Variants in GSG1L observed in about 807,000 individuals in gnomAD.
GSG1L encodes germ cell-specific gene 1-like protein.
A neutral mutation model predicts 42.1 loss-of-function variants in GSG1L; 24 were observed. The ratio of observed to expected loss-of-function variants is 0.57; its 90% CI spans 0.41 to 0.80. The LOEUF (loss-of-function observed/expected upper bound fraction) is 0.80. GSG1L is among the 30% of genes least tolerant of loss of function. GSG1L has a pLI of 0.00. For synonymous variants in GSG1L, 215 were observed against 203.5 expected, an observed-to-expected ratio of 1.06 and a Z score of -0.48; for missense variants, 445 against 472.2, an observed-to-expected ratio of 0.94 and a Z score of 0.53.
chr16:28,036,482 C>T (rs556000187), intron 1 of GSG1L, among the ~76,000 whole-genome samples: 1 of 141,908 alleles, frequency 7.0e-6, no homozygotes, highest in South Asian at 2.5e-4. Context: ...TGGGGGACAA[C>T]TCAGGCACGC....
intron 2 of GSG1L, among the ~76,000 whole-genome samples, chr16:27,921,019 C>T (rs559692501): frequency 6.6e-6 from 1 of 152,210 alleles, no homozygotes; most frequent in African/African-American, 2.4e-5. Flanking sequence ...AGGTCCCTAC[C>T]CATTCTAAAA....
At chr16:27,835,232 A>C (rs1030465633) in intron 4 of GSG1L, among the ~76,000 whole-genome samples, 3 of 151,974 alleles carry the variant, frequency 2.0e-5, no homozygotes, top group African/African-American at 7.2e-5. Context: ...TTCTTAGTGG[A>C]TTGACTCTTT....
chr16:27,974,629 C>T (rs76214518), intron 1 of GSG1L, among the ~76,000 whole-genome samples: 12,766 of 152,244 alleles, frequency 0.084, 751 homozygotes, highest in South Asian at 0.24. Context: ...TGTGTGACTG[C>T]CCTCACCATC....
At chr16:27,820,932 T>C (rs1022248072) in intron 5 of GSG1L, among the ~76,000 whole-genome samples, 2 of 152,160 alleles carry the variant, frequency 1.3e-5, no homozygotes, top group African/African-American at 4.8e-5. Context: ...CTAAATGTGC[T>C]TCGTGTGTCG....
chr16:27,972,561 A>G (rs2085204606), intron 1 of GSG1L, among the ~76,000 whole-genome samples: 1 of 152,248 alleles, frequency 6.6e-6, no homozygotes, highest in South Asian at 2.1e-4. Flanking sequence ...AGACAGGTGC[A>G]CTTGTCTCTC....
chr16:27,840,626 A>G (rs558891350), intron 4 of GSG1L, among the ~76,000 whole-genome samples: 2 of 152,264 alleles, frequency 1.3e-5, no homozygotes, highest in South Asian at 4.1e-4. Context: ...GCTGGCCTCC[A>G]GGGAGCCACA....
At chr16:27,955,500 A>G (rs1567533788) in intron 2 of GSG1L, among the ~76,000 whole-genome samples, 1 of 152,192 alleles carries the variant, frequency 6.6e-6, no homozygotes, top group East Asian at 1.9e-4. Context: ...AATCAGAATA[A>G]CATTGAAATT....
intron 3 of GSG1L, among the ~76,000 whole-genome samples, chr16:27,855,216 C>T (rs2083562551): frequency 6.6e-6 from 1 of 152,140 alleles, no homozygotes; most frequent in Admixed American, 6.5e-5. Context: ...GACTTTCATG[C>T]CCATTCTCCT....
At position 27,954,387 on chromosome 16, in the gene GSG1L, A is replaced by G. The variant is rs115279537; in HGVS notation, c.397+8769T>C. On this transcript the variant is annotated intron_variant, in intron 2 of 6. Transcript: ENST00000447459. Reference sequence around the variant, plus strand: ...GGCTGGAAGTTGACTACCCGCATGGAGGAAGCCACAGAGGAAACTTCAGAA... The same window carrying G: ...GGCTGGAAGTTGACTACCCGCATGGGGGAAGCCACAGAGGAAACTTCAGAA... Among the ~76,000 whole-genome samples the G allele has an allele frequency of 7.4e-3, 1,124 of 152,320 alleles. 12 individuals are homozygous for G. Among genetic ancestry groups the G allele is most frequent in the African/African-American group, 0.026 (1,071 of 41,552 alleles).
chr16:27,942,692 G>A lies in GSG1L; in HGVS notation c.397+20464C>T, dbSNP rs566687922. Reference sequence around the variant, plus strand: ...CAACCTCATTAGTAATCAGGGAAACGTAAATTGGAAATCACAATGTGATAC... The same window carrying A: ...CAACCTCATTAGTAATCAGGGAAACATAAATTGGAAATCACAATGTGATAC... On this transcript the variant is annotated intron_variant, in intron 2 of 6. Transcript: ENST00000447459. 5.3e-5 allele frequency among the ~76,000 whole-genome samples: 8 copies of A among 152,182 alleles called. No individual in the cohort carries two copies. The East Asian group carries it at 5.8e-4, about 11-fold the overall frequency.
At chr16:27,953,037 T>A (rs1409243736) in intron 2 of GSG1L, among the ~76,000 whole-genome samples, 1 of 152,278 alleles carries the variant, frequency 6.6e-6, no homozygotes. Flanking sequence ...TGTATTCTTT[T>A]GAATGCAGCT....
At chr16:28,006,757 C>T (rs570499995) in intron 1 of GSG1L, among the ~76,000 whole-genome samples, 25 of 152,212 alleles carry the variant, frequency 1.6e-4, no homozygotes, top group Admixed American at 6.5e-4. Context: ...CTGAAAATGC[C>T]AGGCAAATGG....
chr16:27,865,199 C>G (rs1433496209), intron 3 of GSG1L, among the ~76,000 whole-genome samples: 1 of 152,146 alleles, frequency 6.6e-6, no homozygotes, highest in African/African-American at 2.4e-5. Flanking sequence ...CCTTACTTCC[C>G]CCAACCTCAA....
chr16:27,919,440 C>T (rs761787468), intron 2 of GSG1L, among the ~76,000 whole-genome samples: 47 of 152,218 alleles, frequency 3.1e-4, no homozygotes, highest in Admixed American at 9.2e-4. Context: ...ATGCCAAGCT[C>T]GGTCTCACCT....
chr16:27,991,493 C>T (rs924066679), intron 1 of GSG1L, among the ~76,000 whole-genome samples: 1 of 151,748 alleles, frequency 6.6e-6, no homozygotes, highest in African/African-American at 2.4e-5. Context: ...GCAACCGCTG[C>T]CCCCCAGTTC....
intron 2 of GSG1L, among the ~76,000 whole-genome samples, chr16:27,917,531 C>A (rs920638305): frequency 6.6e-6 from 1 of 152,078 alleles, no homozygotes; most frequent in African/African-American, 2.4e-5. Context: ...TTAAGAAACC[C>A]AATCAACCCA....
intron 1 of GSG1L, among the ~76,000 whole-genome samples, chr16:28,024,447 G>A (rs1398891109): frequency 6.6e-6 from 1 of 152,196 alleles, no homozygotes; most frequent in Non-Finnish European, 1.5e-5. Flanking sequence ...CGAGCCACTG[G>A]GAGTGAAAAA....
intron 1 of GSG1L, among the ~76,000 whole-genome samples, chr16:28,006,371 T>C (rs1397425684): frequency 1.3e-5 from 2 of 151,396 alleles, no homozygotes; most frequent in Non-Finnish European, 2.9e-5. Context: ...TGCAGAGGTG[T>C]GATCTCGGCT....
intron 1 of GSG1L, among the ~76,000 whole-genome samples, chr16:27,987,152 G>C (rs540949410): frequency 6.6e-6 from 1 of 151,816 alleles, no homozygotes; most frequent in Non-Finnish European, 1.5e-5. Context: ...GGGAGGCAGA[G>C]GTTGCAGTGA....
Sources: allele counts gnomAD v4.1 joint callset (sites outside exome capture counted in the v4.1 genomes callset), GRCh38; gene constraint gnomAD v4.1.1; transcripts MANE v1.5; gene names NCBI Gene and HGNC (gene_info 2026-07-23, HGNC 2026-07-21).